Variants in ZNF717 observed in about 807,000 individuals in gnomAD.
ZNF717 encodes the protein zinc finger protein 717, also known as krueppel-like factor X17.
A neutral mutation model predicts 13.8 loss-of-function variants in ZNF717; 9 were observed. The observed-to-expected ratio is 0.65, with a 90% confidence interval of 0.39 to 1.14. ZNF717 has a LOEUF of 1.14. Ranked by LOEUF, ZNF717 falls within the 50% of genes most tolerant of loss-of-function variation. ZNF717 has a pLI of 0.01. For missense variants in ZNF717, 1,040 were observed against 1,080.7 expected (o/e 0.96, Z 0.53); for synonymous variants, 327 against 364.1 (o/e 0.90, Z 1.16).
chr3:75,763,169 G>A (rs1455855417), intron 2 of ZNF717, among the ~76,000 whole-genome samples: 1 of 152,212 alleles, frequency 6.6e-6, no homozygotes, highest in Non-Finnish European at 1.5e-5. Context: ...AGCTCAGGCA[G>A]TAAAATCAAA....
rs79540623 is a variant in ZNF717, at chr3:75,738,811, G to C, written c.812C>G (p.Thr271Ser). Reference sequence around the variant, plus strand: ...TCCTGTGTGTGTCTGCTGATGTTTAGTGAAGTCAGACTTTCTACAGCAAGT... The same window carrying C: ...TCCTGTGTGTGTCTGCTGATGTTTACTGAAGTCAGACTTTCTACAGCAAGT... Reference protein sequence around the residue: ...QPTCCRKSDFTKHQQTHTGEK... With the variant: ...QPTCCRKSDFSKHQQTHTGEK... Residue 271 changes from threonine to serine, a missense_variant, in exon 5 of 5, where the codon ACT (threonine) becomes AGT (serine). Physicochemically the swap from Thr to Ser is moderately conservative, Grantham distance 58. This residue lies in a region of ZNF717 where 873 missense variants were observed against 832.8 expected (regional missense o/e 1.05). Coordinates refer to ENST00000652011, the MANE Select transcript of ZNF717 (RefSeq NM_001290208.3). 9.0e-6 allele frequency: 14 copies of C among 1,552,362 alleles called. No individual in the cohort carries two copies. The highest frequency in any genetic ancestry group is 3.9e-5 in the Admixed American group (2 of 51,060).
chr3:75,758,705 C>T (rs1466498291), intron 2 of ZNF717, among the ~76,000 whole-genome samples: 1 of 152,176 alleles, frequency 6.6e-6, no homozygotes. Flanking sequence ...AAGGCAAGAC[C>T]CTCCATCAGC....
downstream of ZNF717, among the ~76,000 whole-genome samples, chr3:75,705,766 A>T (rs1454102037): frequency 3.3e-4 from 49 of 150,414 alleles, no homozygotes; most frequent in African/African-American, 1.2e-3. Context: ...CTGTATAGGT[A>T]TATGTACCCT....
chr3:75,702,862 T>C (rs541452337), intron 6 of ZNF717, among the ~76,000 whole-genome samples: 673 of 146,762 alleles, frequency 4.6e-3, no homozygotes, highest in South Asian at 0.024. Context: ...AACTTTGGAA[T>C]GTCCTTATCC....
At chr3:75,747,103 C>T (rs1457700868) in intron 2 of ZNF717, among the ~76,000 whole-genome samples, 1 of 152,008 alleles carries the variant, frequency 6.6e-6, no homozygotes, top group Non-Finnish European at 1.5e-5. Flanking sequence ...TTTCCCACCA[C>T]CATTTGTTAA....
intron 2 of ZNF717, among the ~76,000 whole-genome samples, chr3:75,761,594 TCA>T (rs1365103253): frequency 6.6e-6 from 1 of 152,252 alleles, no homozygotes; most frequent in African/African-American, 2.4e-5. Flanking sequence ...AAAATTTTGT[TCA>T]CAGACAACAG....
chr3:75,746,555 C>G (rs1375643062), intron 2 of ZNF717, among the ~76,000 whole-genome samples: 3 of 152,154 alleles, frequency 2.0e-5, no homozygotes, highest in African/African-American at 7.2e-5. Flanking sequence ...TGTTTCCTGA[C>G]TTTTTAATGA....
downstream of ZNF717, among the ~76,000 whole-genome samples, chr3:75,730,964 G>C (rs1021668700): frequency 6.6e-6 from 1 of 152,240 alleles, no homozygotes; most frequent in Non-Finnish European, 1.5e-5. Flanking sequence ...GAAGTAGCCA[G>C]GTGCAGTGGC....
At chr3:75,772,431 C>A (rs1168091977) in intron 2 of ZNF717, among the ~76,000 whole-genome samples, 2 of 152,196 alleles carry the variant, frequency 1.3e-5, no homozygotes, top group Non-Finnish European at 2.9e-5. Context: ...TTCAGGGAAC[C>A]CAGACTTAGG....
chr3:75,750,046 C>A (rs1312371447), intron 2 of ZNF717, among the ~76,000 whole-genome samples: 1 of 151,736 alleles, frequency 6.6e-6, no homozygotes, highest in Non-Finnish European at 1.5e-5. Flanking sequence ...GATTCCAGAA[C>A]ACTGCTACGA....
In ZNF717 at chr3:75,737,136, G is replaced by A; in HGVS notation, c.2487C>T (p.Leu829=). 1 of 1,565,722 alleles carries A rather than the reference G, an allele frequency of 6.4e-7. No homozygotes were observed. Among genetic ancestry groups the A allele is most frequent in the Non-Finnish European group, 8.7e-7 (1 of 1,155,442 alleles). The change falls in exon 5 of 5, where the codon CTC becomes CTT. Residue 829 remains leucine, a synonymous_variant. Coordinates refer to ENST00000652011, the MANE Select transcript of ZNF717 (RefSeq NM_001290208.3). ...CTGTGTGAGTTCTGTGATGTACAAA[G>A]AGTTTTGACTTCTGGGAGAAGGTTT... ...CRKTFSQKSK[L]FVHHRTHTGE...
intron 4 of ZNF717, among the ~76,000 whole-genome samples, chr3:75,722,756 G>C (rs1167474998): frequency 7.8e-6 from 1 of 128,606 alleles, no homozygotes; most frequent in Admixed American, 9.5e-5. Context: ...GGAGGTTGCA[G>C]TGAGCCAAGA....
At chr3:75,765,441 T>C (rs1575920385) in intron 2 of ZNF717, among the ~76,000 whole-genome samples, 1 of 152,222 alleles carries the variant, frequency 6.6e-6, no homozygotes, top group Non-Finnish European at 1.5e-5. Flanking sequence ...TACAGGGTCT[T>C]ACTCTGTTGC....
At chr3:75,723,970 G>A (rs796475112) in intron 4 of ZNF717, among the ~76,000 whole-genome samples, 1 of 152,210 alleles carries the variant, frequency 6.6e-6, no homozygotes, top group African/African-American at 2.4e-5. Flanking sequence ...TTCATGTTCC[G>A]CCCTGTACAC....
chr3:75,783,020 C>T (rs1197602945), intron 2 of ZNF717, among the ~76,000 whole-genome samples: 5 of 152,244 alleles, frequency 3.3e-5, no homozygotes, highest in African/African-American at 9.6e-5. Flanking sequence ...TCCTGTCCCA[C>T]AAGAACACAG....
intron 2 of ZNF717, among the ~76,000 whole-genome samples, chr3:75,763,969 A>T (rs192673034): frequency 6.6e-5 from 10 of 152,346 alleles, no homozygotes; most frequent in Non-Finnish European, 1.3e-4. Flanking sequence ...GCTGACCAGA[A>T]TGTCCACAGA....
At chr3:75,748,915 G>A (rs1272139946) in intron 2 of ZNF717, among the ~76,000 whole-genome samples, 1 of 151,898 alleles carries the variant, frequency 6.6e-6, no homozygotes, top group African/African-American at 2.4e-5. Context: ...CTGTTTGCAG[G>A]GGTCTCTTTG....
Position 75,738,554 on chromosome 3 carries a change from G to A in ZNF717, c.1069C>T (p.His357Tyr). 7 of 1,541,932 alleles carry A rather than the reference G, an allele frequency of 4.5e-6. No homozygotes were observed. Among genetic ancestry groups the A allele is most frequent in the East Asian group, 2.5e-5 (1 of 40,596 alleles). The change falls in exon 5 of 5, where the codon CAT (histidine) becomes TAT (tyrosine). Residue 357 changes from histidine to tyrosine, a missense_variant. This residue lies in a region of ZNF717 where 873 missense variants were observed against 832.8 expected (regional missense o/e 1.05). Transcript: ENST00000652011. ...TFRRKSFLTL[H>Y]ERTHTGDKPY... ...TTATCCCCTGTGTGAGTTCTCTCAT[G>A]TAAAGTGAGGAATGACTTACGGCGA...
chr3:75,729,539 C>T (rs79833480), downstream of ZNF717, among the ~76,000 whole-genome samples: 9 of 145,528 alleles, frequency 6.2e-5, no homozygotes, highest in Non-Finnish European at 8.9e-5. Context: ...CATTTGAACC[C>T]GGGAGGCGGA....
Sources: gnomAD v4.1 joint callset for allele counts (sites outside exome capture counted in the v4.1 genomes callset) on GRCh38, gnomAD v4.1.1 for gene constraint, gnomAD v4.1.1 regional missense constraint, MANE v1.5 for transcripts, NCBI Gene and HGNC (gene_info 2026-07-23, HGNC 2026-07-21) for gene names.